Variants in BBS9 observed in about 807,000 individuals in gnomAD.
BBS9 encodes protein PTHB1.
In BBS9, 89 loss-of-function variants were observed where a neutral mutation model predicts 117.7. The observed-to-expected ratio is 0.76, with a 90% CI of 0.64 to 0.90. The LOEUF is 0.90. BBS9 is among the 40% of genes least tolerant of loss of function. The probability of loss-of-function intolerance (pLI) is 0.00; values close to 1 mark genes in which losing one functional copy is unlikely to be tolerated. For missense variants in BBS9, 982 were observed against 1,042.2 expected, an observed-to-expected ratio of 0.94 and a Z score of 0.80; for synonymous variants, 379 against 370.9, an observed-to-expected ratio of 1.02 and a Z score of -0.25.
chr7:33,623,103 G>C lies in BBS9; in HGVS notation c.2522-12074G>C, dbSNP rs1330374397. 9.5e-4 allele frequency among the ~76,000 whole-genome samples: 144 copies of C among 152,152 alleles called. 1 individual carries two copies. In the Middle Eastern group the frequency reaches 0.01, roughly 11 times the overall value. ...GTCATCAAAAGACACTATAAGAAAAGATAAAAATCATGTCATAAAGTGGAA... is the reference window on the plus strand; with the variant it reads ...GTCATCAAAAGACACTATAAGAAAACATAAAAATCATGTCATAAAGTGGAA... On this transcript the variant is annotated intron_variant, in intron 21 of 21. Transcript: ENST00000671952.
chr7:33,434,615 A>G (rs558138884), intron 19 of BBS9, among the ~76,000 whole-genome samples: 3 of 152,282 alleles, frequency 2.0e-5, no homozygotes, highest in African/African-American at 7.2e-5. Flanking sequence ...GAGAGCTGCT[A>G]TCTGCTACTT....
At chr7:33,218,482 G>T (rs1399420088) in intron 5 of BBS9, among the ~76,000 whole-genome samples, 1 of 152,180 alleles carries the variant, frequency 6.6e-6, no homozygotes, top group East Asian at 1.9e-4. Context: ...TAAATTTAGG[G>T]TATTATTTTT....
chr7:33,433,031 A>G (rs548429809), intron 19 of BBS9, among the ~76,000 whole-genome samples: 29 of 151,998 alleles, frequency 1.9e-4, no homozygotes, highest in African/African-American at 7.0e-4. Context: ...TCACCTAGCC[A>G]CTTTACCTAA....
At chr7:33,280,904 C>CTT (rs1584065507) in intron 9 of BBS9, among the ~76,000 whole-genome samples, 4 of 43,418 alleles carry the variant, frequency 9.2e-5, no homozygotes, top group African/African-American at 3.4e-4. Context: ...GTTAATTTGT[C>CTT]GTTTTTGTTT....
chr7:33,496,445 C>T lies in BBS9; in HGVS notation c.2116-9018C>T, dbSNP rs1247310029. Among the ~76,000 whole-genome samples, 5 of 150,996 alleles carry T rather than the reference C, an allele frequency of 3.3e-5. No individual in the cohort carries two copies. In the East Asian group the frequency reaches 7.8e-4, roughly 24 times the overall value. On this transcript the variant is annotated intron_variant, in intron 19 of 22. Transcript: ENST00000242067. ...ACTTGAACCTGGAAGGCGGGGGTTG[C>T]AGTGAGCTGAAATTGTGACATTGCA...
intron 21 of BBS9, among the ~76,000 whole-genome samples, chr7:33,536,068 C>T (rs550134219): frequency 6.6e-6 from 1 of 151,906 alleles, no homozygotes; most frequent in Admixed American, 6.5e-5. Flanking sequence ...AAGTAAAGGA[C>T]AGAGAAAGAA....
chr7:33,243,029 T>A, intron 5 of BBS9: 1 of 517,136 alleles, frequency 1.9e-6, no homozygotes, highest in Admixed American at 1.9e-5. Context: ...CGTTCCCAAG[T>A]TATAGAATAG....
intron 19 of BBS9, among the ~76,000 whole-genome samples, chr7:33,461,603 G>T (rs1435000262): frequency 1.3e-5 from 2 of 151,832 alleles, no homozygotes; most frequent in East Asian, 3.9e-4. Flanking sequence ...TAAGATAGCA[G>T]AAGTCAATTT....
At chr7:33,413,087 T>C (rs769183216) in intron 19 of BBS9, among the ~76,000 whole-genome samples, 5 of 152,202 alleles carry the variant, frequency 3.3e-5, no homozygotes, top group African/African-American at 9.6e-5. Flanking sequence ...TAGTTAACAC[T>C]GGGTAATGAG....
rs146885712 is a variant in BBS9 at position 33,542,550 on chromosome 7, A to C, written c.2521+8374A>C. On this transcript the variant is annotated intron_variant, in intron 21 of 22. Transcript: ENST00000242067. ...TTATGCATTTGTGTCCTCATAGCTTAGCTCCCACATATCAGTGAAAACATA... is the reference window on the plus strand; with the variant it reads ...TTATGCATTTGTGTCCTCATAGCTTCGCTCCCACATATCAGTGAAAACATA... Among the ~76,000 whole-genome samples the C allele has an allele frequency of 6.1e-3, 922 of 152,196 alleles. 7 individuals are homozygous for C. Among genetic ancestry groups the C allele is most frequent in the African/African-American group, 0.021 (888 of 41,522 alleles).
chr7:33,450,382 A>G (rs761720954), intron 19 of BBS9, among the ~76,000 whole-genome samples: 17 of 152,182 alleles, frequency 1.1e-4, no homozygotes, highest in Admixed American at 2.6e-4. Flanking sequence ...TCTTTTGGAT[A>G]TATACCCAGA....
At chr7:33,259,181 T>C (rs1176220400) in intron 6 of BBS9, among the ~76,000 whole-genome samples, 2 of 152,236 alleles carry the variant, frequency 1.3e-5, no homozygotes, top group African/African-American at 4.8e-5. Flanking sequence ...ATTAAATCTG[T>C]CTATATTCAG....
At chr7:33,382,717 A>G (rs1825307906) in intron 17 of BBS9, among the ~76,000 whole-genome samples, 1 of 152,166 alleles carries the variant, frequency 6.6e-6, no homozygotes, top group Non-Finnish European at 1.5e-5. Flanking sequence ...TAAATGAGAA[A>G]GTGAATGTAA....
At chr7:33,329,565 C>T (rs977215727) in intron 9 of BBS9, among the ~76,000 whole-genome samples, 1 of 151,030 alleles carries the variant, frequency 6.6e-6, no homozygotes, top group East Asian at 1.9e-4. Context: ...ATTATAGATA[C>T]ACCACAATTA....
rs74439779 is a variant in BBS9, at chr7:33,400,551, C to A, written c.2115+12407C>A. Among the ~76,000 whole-genome samples, 129 of 152,274 alleles carry A rather than the reference C, an allele frequency of 8.5e-4. No homozygotes were observed. The East Asian group carries it at 0.023, about 28-fold the overall frequency. On this transcript the variant is annotated intron_variant, in intron 19 of 22. Coordinates refer to ENST00000242067, the MANE Select transcript of BBS9 (RefSeq NM_198428.3). Reference sequence around the variant, plus strand: ...ATAACCCTCACAATCCTCCCGTCCACCTTCCTTCCCTTACCGTCATTTTCT... The same window carrying A: ...ATAACCCTCACAATCCTCCCGTCCAACTTCCTTCCCTTACCGTCATTTTCT...
intron 21 of BBS9, among the ~76,000 whole-genome samples, chr7:33,541,567 A>G (rs990815727): frequency 2.0e-5 from 3 of 152,246 alleles, no homozygotes; most frequent in African/African-American, 7.2e-5. Flanking sequence ...ATCAACTGAT[A>G]AATGGATAAC....
At chr7:33,418,764 A>G (rs1449368452) in intron 19 of BBS9, among the ~76,000 whole-genome samples, 1 of 152,172 alleles carries the variant, frequency 6.6e-6, no homozygotes, top group African/African-American at 2.4e-5. Context: ...TAGTGTTGAG[A>G]AGACATTCTG....
At chr7:33,418,952 A>C (rs1321364702) in intron 19 of BBS9, among the ~76,000 whole-genome samples, 30 of 152,218 alleles carry the variant, frequency 2.0e-4, no homozygotes, top group Non-Finnish European at 1.5e-5. Flanking sequence ...GTAGTTAACA[A>C]GCATACCTTT....
chr7:33,610,203 A>G (rs1170695209), downstream of BBS9, among the ~76,000 whole-genome samples: 1 of 152,076 alleles, frequency 6.6e-6, no homozygotes, highest in Non-Finnish European at 1.5e-5. Context: ...TTGGTTTGTT[A>G]ATTTCCTCCA....
Sources: gnomAD v4.1 joint callset for allele counts (sites outside exome capture counted in the v4.1 genomes callset) on GRCh38, gnomAD v4.1.1 for gene constraint, MANE v1.5 for transcripts, NCBI Gene and HGNC (gene_info 2026-07-23, HGNC 2026-07-21) for gene names.